The following EMB variants were observed in gnomAD, a reference collection of about 807,000 sequenced individuals.
The protein encoded by EMB is embigin, also known as embigin homolog.
EMB carries 31 observed loss-of-function variants against 41.4 expected under a neutral mutation model. That is an observed-to-expected ratio of 0.75 (90% CI 0.56 to 1.01). EMB has a LOEUF of 1.01. Among genes scored for constraint, EMB ranks in the 50% least tolerant of loss-of-function variants. The probability of loss-of-function intolerance (pLI) is 0.00; values close to 1 mark genes in which losing one functional copy is unlikely to be tolerated. For synonymous variants in EMB, 137 were observed against 140.4 expected (o/e 0.98, Z 0.17); for missense variants, 379 against 388.3 (o/e 0.98, Z 0.20).
chr5:50,422,907 G>A (rs955533491), intron 2 of EMB, among the ~76,000 whole-genome samples: 2 of 152,112 alleles, frequency 1.3e-5, no homozygotes, highest in Admixed American at 6.6e-5. Flanking sequence ...AAATAAAGAT[G>A]TGCATAATTT....
At chr5:50,421,089 G>A (rs370432840) in intron 2 of EMB, among the ~76,000 whole-genome samples, 3 of 152,114 alleles carry the variant, frequency 2.0e-5, no homozygotes, top group Admixed American at 2.0e-4. Context: ...AATAAAATGA[G>A]ATCTAAATCA....
At chr5:50,408,207 C>A (rs1388709021) in intron 4 of EMB, among the ~76,000 whole-genome samples, 1 of 151,846 alleles carries the variant, frequency 6.6e-6, no homozygotes, top group Non-Finnish European at 1.5e-5. Context: ...AGTTCTTGTT[C>A]TTTACCAATT....
chr5:50,411,438 C>A, intron 2 of EMB, 55 bp from the exon 3 acceptor site: 1 of 1,223,862 alleles, frequency 8.2e-7, no homozygotes, highest in Non-Finnish European at 1.1e-6. Flanking sequence ...GAATCTAACA[C>A]ATAAAACCTT....
chr5:50,421,016 G>A (rs1010273726), intron 2 of EMB, among the ~76,000 whole-genome samples: 2 of 152,154 alleles, frequency 1.3e-5, no homozygotes, highest in Non-Finnish European at 2.9e-5. Context: ...TACTAATCTA[G>A]CAGGGGACAT....
intron 1 of EMB, among the ~76,000 whole-genome samples, chr5:50,440,084 A>G (rs1246208727): frequency 6.6e-6 from 1 of 152,216 alleles, no homozygotes; most frequent in Non-Finnish European, 1.5e-5. Flanking sequence ...TAAAACAACA[A>G]GCAAAAATCT....
chr5:50,437,899 T>A (rs1745831523), intron 1 of EMB, among the ~76,000 whole-genome samples: 1 of 152,168 alleles, frequency 6.6e-6, no homozygotes, highest in Non-Finnish European at 1.5e-5. Flanking sequence ...GTAATAGTAA[T>A]AATAATGATA....
chr5:50,421,104 C>T (rs1294328374), intron 2 of EMB, among the ~76,000 whole-genome samples: 6 of 152,068 alleles, frequency 3.9e-5, no homozygotes, highest in Admixed American at 2.6e-4. Context: ...AAATCACAGA[C>T]GGCAATAGTA....
chr5:50,403,564 G>A, intron 5 of EMB, 110 bp from the exon 6 acceptor site: 3 of 1,211,452 alleles, frequency 2.5e-6, no homozygotes, highest in Non-Finnish European at 3.5e-6. Flanking sequence ...GCTTACTAGA[G>A]AAAGGCATAT....
At chr5:50,428,802 T>C in intron 1 of EMB, 1 of 927,420 alleles carries the variant, frequency 1.1e-6, no homozygotes, top group African/African-American at 1.8e-5. Flanking sequence ...TTCTCTCTCC[T>C]TTTGAAAACT....
At chr5:50,421,310 G>T (rs904084158) in intron 2 of EMB, among the ~76,000 whole-genome samples, 5 of 152,080 alleles carry the variant, frequency 3.3e-5, no homozygotes, top group African/African-American at 1.2e-4. Flanking sequence ...ATCATCACTG[G>T]CCATCAGAGA....
At chr5:50,412,263 C>G (rs1242335562) in intron 2 of EMB, among the ~76,000 whole-genome samples, 2 of 151,358 alleles carry the variant, frequency 1.3e-5, no homozygotes, top group African/African-American at 2.4e-5. Flanking sequence ...CACAGACACA[C>G]ACACACACAC....
At chr5:50,436,104 T>C (rs1745798747) in intron 1 of EMB, among the ~76,000 whole-genome samples, 1 of 152,172 alleles carries the variant, frequency 6.6e-6, no homozygotes, top group Non-Finnish European at 1.5e-5. Context: ...TCATCACTAC[T>C]GGAAATCACT....
chr5:50,401,928 T>A (rs1745168738), intron 7 of EMB, among the ~76,000 whole-genome samples: 1 of 151,280 alleles, frequency 6.6e-6, no homozygotes, highest in South Asian at 2.1e-4. Context: ...GCTTTAAAAA[T>A]AATAATATTA....
chr5:50,440,309 G>A (rs1461776399), intron 1 of EMB, among the ~76,000 whole-genome samples: 2 of 152,018 alleles, frequency 1.3e-5, no homozygotes, highest in African/African-American at 4.8e-5. Flanking sequence ...CGAAGCGGGC[G>A]GATCACCTCA....
upstream of EMB, chr5:50,443,308 C>A (rs933822882): frequency 2.0e-5 from 3 of 152,202 alleles, no homozygotes; most frequent in African/African-American, 7.2e-5. Flanking sequence ...GCAGCCTTGA[C>A]CTTCTGGGCT....
Position 50,428,251 on chromosome 5 carries a change from TAC to T in EMB, c.113-26_113-25del, listed in dbSNP as rs1331393627. On this transcript the variant is annotated intron_variant, in intron 1 of 8. Transcript: ENST00000303221. ...ATCTATAAGAGAAAGAACACATGATTACACACTCTTATCAAGAGTAAATGACT... is the reference window on the plus strand; with the variant it reads ...ATCTATAAGAGAAAGAACACATGATTACACTCTTATCAAGAGTAAATGACT... 3.9e-6 allele frequency: 6 copies of T among 1,521,454 alleles called. 1 individual carries two copies. In the South Asian group the frequency reaches 4.5e-5, roughly 11 times the overall value. The allele number at this position is 1,521,454 out of a possible 1,614,324, so 94.2% of individuals were successfully genotyped here.
intron 2 of EMB, among the ~76,000 whole-genome samples, chr5:50,415,842 T>C (rs1355591329): frequency 1.3e-5 from 2 of 152,214 alleles, no homozygotes; most frequent in Non-Finnish European, 2.9e-5. Context: ...AAAATATTAA[T>C]AGAAGATTAA....
chr5:50,428,699 G>A (rs1745664120), intron 1 of EMB: 35 of 984,952 alleles, frequency 3.6e-5, no homozygotes, highest in South Asian at 4.7e-5. Flanking sequence ...AATGGCTGAC[G>A]GGCCAGTTTG....
chr5:50,412,569 A>G (rs1051438295), intron 2 of EMB, among the ~76,000 whole-genome samples: 6 of 151,970 alleles, frequency 3.9e-5, no homozygotes, highest in Non-Finnish European at 7.4e-5. Context: ...TCGTTTTTCC[A>G]TAAGCTGCCT....
Sources: gnomAD v4.1 joint callset for allele counts (sites outside exome capture counted in the v4.1 genomes callset) on GRCh38, gnomAD v4.1.1 for gene constraint, MANE v1.5 for transcripts, NCBI Gene and HGNC (gene_info 2026-07-23, HGNC 2026-07-21) for gene names.